Variants in RAB31 observed in about 807,000 individuals in gnomAD.
The protein encoded by RAB31 is RAB31, member RAS oncogene family.
Under a neutral mutation model 25.6 loss-of-function variants are expected in RAB31, and 21 were observed. That is an observed-to-expected ratio of 0.82 (90% confidence interval 0.58 to 1.18). The LOEUF (loss-of-function observed/expected upper bound fraction) is 1.18, where lower values mean the gene tolerates loss of function less well. Among genes scored for constraint, RAB31 ranks in the 50% most tolerant of loss-of-function variants. The pLI is 0.00. For missense variants in RAB31, 196 were observed against 250.1 expected, an observed-to-expected ratio of 0.78 and a Z score of 1.46; for synonymous variants, 87 against 84.0, an observed-to-expected ratio of 1.04 and a Z score of -0.20.
intron 6 of RAB31, among the ~76,000 whole-genome samples, chr18:9,856,748 A>G (rs1381424688): frequency 1.3e-5 from 2 of 152,220 alleles, no homozygotes; most frequent in African/African-American, 4.8e-5. Context: ...TGCAAAAGCA[A>G]AAGTCCTGAT....
chr18:9,720,479 G>A (rs555589087), intron 1 of RAB31, among the ~76,000 whole-genome samples: 11 of 152,174 alleles, frequency 7.2e-5, no homozygotes, highest in South Asian at 4.1e-4. Flanking sequence ...CAGGGAGAGC[G>A]TGTGGTGTCT....
At chr18:9,755,903 A>T (rs1263884408) in intron 1 of RAB31, among the ~76,000 whole-genome samples, 1 of 152,256 alleles carries the variant, frequency 6.6e-6, no homozygotes, top group Admixed American at 6.5e-5. Context: ...GCTGTGGTTT[A>T]GGCTGCCTTG....
In RAB31 at chr18:9,778,792, C is replaced by G. The variant is rs575659980; in HGVS notation, c.119+3435C>G. ...AGCCACACATATAACTTTTGACTCC[C>G]TCAGAATTTACCTGCTAATACCTGA... On this transcript the variant is annotated intron_variant, in intron 2 of 6. Coordinates refer to ENST00000578921, the MANE Select transcript of RAB31 (RefSeq NM_006868.4). Among the ~76,000 whole-genome samples the G allele has an allele frequency of 4.6e-5, 7 of 152,254 alleles. No individual in the cohort carries two copies. The South Asian group carries it at 1.4e-3, about 32-fold the overall frequency.
intron 3 of RAB31, among the ~76,000 whole-genome samples, chr18:9,810,245 G>A (rs183161188): frequency 7.2e-4 from 109 of 152,340 alleles, no homozygotes; most frequent in African/African-American, 2.4e-3. Flanking sequence ...AAGGTAAGAT[G>A]TAAAAATAAA....
intron 6 of RAB31, among the ~76,000 whole-genome samples, chr18:9,857,252 G>C (rs143124503): frequency 0.011 from 1,579 of 143,774 alleles, 20 homozygotes; most frequent in Non-Finnish European, 0.016. Context: ...AAGCTTTGGT[G>C]ACTGTCTATA....
intron 1 of RAB31, among the ~76,000 whole-genome samples, chr18:9,718,213 G>A (rs1053436244): frequency 7.9e-5 from 12 of 151,756 alleles, no homozygotes; most frequent in Non-Finnish European, 2.9e-5. Flanking sequence ...TCAATACTAC[G>A]TAGTTAATTT....
At chr18:9,737,772 A>ATGGT (rs1327011884) in intron 1 of RAB31, among the ~76,000 whole-genome samples, 1 of 152,222 alleles carries the variant, frequency 6.6e-6, no homozygotes, top group African/African-American at 2.4e-5. Context: ...TCAAGTAATG[A>ATGGT]TGGTTGGTTA....
At chr18:9,852,735 T>G (rs1020142350) in intron 6 of RAB31, among the ~76,000 whole-genome samples, 1 of 152,226 alleles carries the variant, frequency 6.6e-6, no homozygotes, top group Non-Finnish European at 1.5e-5. Context: ...TCTTTGTGTG[T>G]GTAAATACTA....
intron 1 of RAB31, among the ~76,000 whole-genome samples, chr18:9,767,694 G>A (rs2068323219): frequency 6.6e-6 from 1 of 152,082 alleles, no homozygotes; most frequent in African/African-American, 2.4e-5. Flanking sequence ...TGCCTGGGAG[G>A]TATCATTCTT....
At position 9,728,163 on chromosome 18, in the gene RAB31, T is replaced by A. The variant is rs78125864; in HGVS notation, c.39+19719T>A. On this transcript the variant is annotated intron_variant, in intron 1 of 6. Coordinates refer to ENST00000578921, the MANE Select transcript of RAB31 (RefSeq NM_006868.4). ...GCCTTTTTCCTCTAAAGGTAAACCT[T>A]GAGTATTATTCCTTGGCCCCATGTA... 2.0e-5 allele frequency among the ~76,000 whole-genome samples: 3 copies of A among 152,154 alleles called. No individual in the cohort carries two copies. The East Asian group carries it at 5.8e-4, about 29-fold the overall frequency.
At chr18:9,716,133 T>C (rs2068043352) in intron 1 of RAB31, among the ~76,000 whole-genome samples, 1 of 152,194 alleles carries the variant, frequency 6.6e-6, no homozygotes, top group Non-Finnish European at 1.5e-5. Flanking sequence ...TTAGTCACTG[T>C]GCATCTAAAA....
chr18:9,858,479 G>A (rs1371320448), intron 6 of RAB31, among the ~76,000 whole-genome samples: 2 of 152,152 alleles, frequency 1.3e-5, no homozygotes, highest in Non-Finnish European at 2.9e-5. Flanking sequence ...CATCAGCACA[G>A]TCAATTTTAG....
At chr18:9,796,017 GTA>G (rs984210184) in intron 3 of RAB31, among the ~76,000 whole-genome samples, 1 of 152,044 alleles carries the variant, frequency 6.6e-6, no homozygotes, top group Non-Finnish European at 1.5e-5. Context: ...AGAAAATGTG[GTA>G]TATATATACA....
intron 1 of RAB31, among the ~76,000 whole-genome samples, chr18:9,711,010 T>G (rs1487171818): frequency 6.6e-6 from 1 of 152,022 alleles, no homozygotes; most frequent in East Asian, 1.9e-4. Flanking sequence ...TTGTCCACAC[T>G]GAGTAAGATT....
At chr18:9,782,097 C>T (rs145534102) in intron 2 of RAB31, among the ~76,000 whole-genome samples, 68 of 151,134 alleles carry the variant, frequency 4.5e-4, no homozygotes, top group African/African-American at 1.7e-3. Flanking sequence ...GCATGGGTGG[C>T]CAGGCCTCCC....
At chr18:9,804,324 T>A (rs1009245120) in intron 3 of RAB31, among the ~76,000 whole-genome samples, 1 of 152,170 alleles carries the variant, frequency 6.6e-6, no homozygotes, top group Non-Finnish European at 1.5e-5. Context: ...GGCAATGACA[T>A]TTTGCTGATG....
intron 1 of RAB31, among the ~76,000 whole-genome samples, chr18:9,741,641 TGTGCAGCAC>T (rs2068179777): frequency 6.6e-6 from 1 of 152,100 alleles, no homozygotes; most frequent in Non-Finnish European, 1.5e-5. Context: ...TCTCAGCCTG[TGTGCAGCAC>T]GTACATGTCC....
intron 6 of RAB31, chr18:9,856,114 T>C (rs1448005157): frequency 1.3e-5 from 2 of 152,228 alleles, no homozygotes; most frequent in Non-Finnish European, 2.9e-5. Context: ...AGAAATATTT[T>C]ACTCTAATAA....
intron 5 of RAB31, among the ~76,000 whole-genome samples, chr18:9,843,998 G>C (rs987822940): frequency 3.3e-5 from 5 of 152,034 alleles, no homozygotes; most frequent in Non-Finnish European, 7.4e-5. Flanking sequence ...GGGGAGGTGG[G>C]CGCTCTCCCA....
Sources: gnomAD v4.1 joint callset for allele counts (sites outside exome capture counted in the v4.1 genomes callset) on GRCh38, gnomAD v4.1.1 for gene constraint, MANE v1.5 for transcripts, NCBI Gene and HGNC (gene_info 2026-07-23, HGNC 2026-07-21) for gene names.